The following IWS1 variants were observed in gnomAD, a reference collection of about 807,000 sequenced individuals.
IWS1 encodes the protein protein IWS1 homolog.
Under a neutral mutation model 86.7 loss-of-function variants are expected in IWS1, and 27 were observed. The ratio of observed to expected loss-of-function variants is 0.31; its 90% CI spans 0.23 to 0.43. The LOEUF (loss-of-function observed/expected upper bound fraction) is 0.43, where lower values mean the gene tolerates loss of function less well. IWS1 is among the 20% of genes least tolerant of loss of function. The pLI is 1.00. For missense variants in IWS1, 827 were observed against 1,000.8 expected, an observed-to-expected ratio of 0.83 and a Z score of 2.34; for synonymous variants, 313 against 335.1, an observed-to-expected ratio of 0.93 and a Z score of 0.72.
chr2:127,484,037 C>G (rs575997886), intron 13 of IWS1, among the ~76,000 whole-genome samples: 1 of 152,328 alleles, frequency 6.6e-6, no homozygotes, highest in East Asian at 1.9e-4. Flanking sequence ...GGCATGGTGG[C>G]TCACACCTGT....
At position 127,526,237 on chromosome 2, in the gene IWS1, C is replaced by T. The variant is rs771693122; in HGVS notation, c.-29G>A. The T allele has an allele frequency of 1.3e-6, 2 of 1,552,522 alleles. No individual in the cohort carries two copies. Among genetic ancestry groups the T allele is most frequent in the African/African-American group, 1.4e-5 (1 of 73,386 alleles). On this transcript the variant is annotated 5_prime_UTR_variant, in exon 1 of 14. Coordinates refer to ENST00000295321, the MANE Select transcript of IWS1 (RefSeq NM_017969.3). The stretch of plus-strand genomic sequence containing the variant: ...AGGCGGACTCTCAGCGGGGAGTGTC[C>T]GCGCCCCGCGCCGCCCCCGTCACCT...
chr2:127,491,411 G>C (rs1445256481), intron 10 of IWS1, among the ~76,000 whole-genome samples: 1 of 151,484 alleles, frequency 6.6e-6, no homozygotes, highest in African/African-American at 2.4e-5. Context: ...CCATGCTCTC[G>C]ACCCATGACT....
At chr2:127,513,732 T>C (rs1558765700) in intron 2 of IWS1, among the ~76,000 whole-genome samples, 1 of 152,246 alleles carries the variant, frequency 6.6e-6, no homozygotes, top group Non-Finnish European at 1.5e-5. Context: ...TTTTCTTTTT[T>C]ATTTGAAACA....
chr2:127,509,772 C>CA (rs1321305501), intron 2 of IWS1, among the ~76,000 whole-genome samples: 1 of 145,690 alleles, frequency 6.9e-6, no homozygotes, highest in Non-Finnish European at 1.5e-5. Flanking sequence ...AGCCATCATT[C>CA]ACACTGCAGT....
intron 2 of IWS1, among the ~76,000 whole-genome samples, chr2:127,510,654 G>C (rs575539441): frequency 6.6e-6 from 1 of 151,972 alleles, no homozygotes; most frequent in South Asian, 2.1e-4. Context: ...CACCACGTCC[G>C]GATAATTTTT....
At position 127,499,978 on chromosome 2, in the gene IWS1, T is replaced by C. The variant is rs1211242435; in HGVS notation, c.1468-1741A>G. On this transcript the variant is annotated intron_variant, in intron 5 of 13. Coordinates refer to ENST00000295321, the MANE Select transcript of IWS1 (RefSeq NM_017969.3). The surrounding 1 kb of genome is among the most constrained non-coding windows in gnomAD (Gnocchi z 4.0). ...TACGAAACCAATTCTAGGTGAATTA[T>C]ACAATTAAATGTGAAAGACTGAATA... 2.0e-5 allele frequency among the ~76,000 whole-genome samples: 3 copies of C among 152,176 alleles called. No individual in the cohort carries two copies. The highest frequency in any genetic ancestry group is 4.8e-5 in the African/African-American group (2 of 41,440).
At position 127,494,935 on chromosome 2, in the gene IWS1, T is replaced by C. The variant is rs1457316794; in HGVS notation, c.1736A>G (p.Asn579Ser). The C allele has an allele frequency of 6.2e-7, 1 of 1,600,738 alleles. No homozygotes were observed. The change falls in exon 8 of 14, where the codon AAT becomes AGT. Residue 579 changes from asparagine (N) to serine (S), a missense_variant. Coordinates refer to ENST00000295321, the MANE Select transcript of IWS1 (RefSeq NM_017969.3). ...EAAEEDRQLN[N>S]QKKPALKKLT... is the part of the protein sequence containing the mutation. ...TTTTTTCAGTGCTGGCTTTTTTTGA[T>C]TGTTCAACTGTCTGTCTTCCTATTC...
At chr2:127,518,186 T>C (rs1418746467) in intron 2 of IWS1, among the ~76,000 whole-genome samples, 1 of 152,194 alleles carries the variant, frequency 6.6e-6, no homozygotes, top group Non-Finnish European at 1.5e-5. Context: ...ATCACTGAAT[T>C]GCACAAATTG....
chr2:127,506,171 C>T (rs1050639633), intron 2 of IWS1, among the ~76,000 whole-genome samples: 1 of 152,102 alleles, frequency 6.6e-6, no homozygotes, highest in South Asian at 2.1e-4. Context: ...AGTTCGAGAC[C>T]AGCCCGGCCA....
At chr2:127,506,498 A>G (rs1350208007) in intron 2 of IWS1, among the ~76,000 whole-genome samples, 1 of 152,234 alleles carries the variant, frequency 6.6e-6, no homozygotes, top group Admixed American at 6.5e-5. Flanking sequence ...GAAAAGAACT[A>G]TAAAATTTAA....
chr2:127,504,458 C>G (rs1691002774), intron 3 of IWS1, among the ~76,000 whole-genome samples: 1 of 151,668 alleles, frequency 6.6e-6, no homozygotes. Flanking sequence ...TGGTTTATCA[C>G]TTTGAGGCAG....
intron 2 of IWS1, among the ~76,000 whole-genome samples, chr2:127,520,970 A>T (rs1419245271): frequency 6.6e-6 from 1 of 152,230 alleles, no homozygotes; most frequent in African/African-American, 2.4e-5. Context: ...GATAAAAAAT[A>T]ATACATAGGC....
intron 13 of IWS1, among the ~76,000 whole-genome samples, chr2:127,482,095 G>A (rs1348514925): frequency 6.6e-6 from 1 of 152,212 alleles, no homozygotes; most frequent in Non-Finnish European, 1.5e-5. Context: ...GTTTAAGAAT[G>A]ATGACTGCTT....
chr2:127,513,297 T>C (rs889268964), intron 2 of IWS1, among the ~76,000 whole-genome samples: 3 of 152,210 alleles, frequency 2.0e-5, no homozygotes, highest in Non-Finnish European at 2.9e-5. Flanking sequence ...AACCATATAA[T>C]AACACAGTTG....
chr2:127,492,567 G>C (rs1194134973), intron 9 of IWS1, among the ~76,000 whole-genome samples: 1 of 151,734 alleles, frequency 6.6e-6, no homozygotes, highest in African/African-American at 2.4e-5. Context: ...AAAACAAAAA[G>C]AGGTTGAGAG....
chr2:127,526,836 C>G (rs768913499), upstream of IWS1: 3 of 464,042 alleles, frequency 6.5e-6, no homozygotes, highest in Non-Finnish European at 1.1e-5. Context: ...CGCCTGGTTC[C>G]CGCCCGCAGT....
chr2:127,510,866 T>C (rs1031917399), intron 2 of IWS1, among the ~76,000 whole-genome samples: 1 of 152,188 alleles, frequency 6.6e-6, no homozygotes, highest in Non-Finnish European at 1.5e-5. Context: ...TTCAGTATGC[T>C]TAAGAATCAC....
At position 127,481,162 on chromosome 2, in the gene IWS1, G is replaced by A. The variant is rs185201768; in HGVS notation, c.2342C>T (p.Ser781Phe). 1.3e-6 allele frequency: 2 copies of A among 1,599,972 alleles called. No homozygotes were observed. Among genetic ancestry groups the A allele is most frequent in the East Asian group, 2.2e-5 (1 of 44,494 alleles). ...EMESSRFQAT[S>F]KKGISRLDKQ... ...ATCCAGTCGACTGATACCCTTCTTG[G>A]AGGTCGCCTGAAACTAAGAGTAAGG... is the stretch of plus-strand genomic sequence containing the variant. Residue 781 changes from serine to phenylalanine, a missense_variant, in exon 14 of 14, where the codon TCC (serine) becomes TTC (phenylalanine). Coordinates refer to ENST00000295321, the MANE Select transcript of IWS1 (RefSeq NM_017969.3).
chr2:127,514,231 T>C (rs906766974), intron 2 of IWS1: 1 of 154,134 alleles, frequency 6.5e-6, no homozygotes. Context: ...TTGCTGCTGA[T>C]AGCTGTTCCG....
Sources: allele counts gnomAD v4.1 joint callset (sites outside exome capture counted in the v4.1 genomes callset), GRCh38; gene constraint gnomAD v4.1.1; non-coding constraint Gnocchi (gnomAD v3.1); transcripts MANE v1.5; gene names NCBI Gene and HGNC (gene_info 2026-07-23, HGNC 2026-07-21).